EPHA5: variants seen among roughly 807,000 people sequenced by gnomAD.
EPHA5 encodes the protein ephrin type-A receptor 5.
In EPHA5, 60 loss-of-function variants were observed where a neutral mutation model predicts 105.0. The observed-to-expected ratio is 0.57, with a 90% CI of 0.46 to 0.71. The LOEUF is 0.71. Among genes scored for constraint, EPHA5 ranks in the 30% least tolerant of loss-of-function variants. The pLI is 0.00. For synonymous variants in EPHA5, 513 were observed against 449.1 expected (o/e 1.14, Z -1.80); for missense variants, 1,218 against 1,274.7 (o/e 0.96, Z 0.68).
Position 65,393,615 on chromosome 4 carries a change from G to A in EPHA5, c.1793+10759C>T, listed in dbSNP as rs538255525. On this transcript the variant is annotated intron_variant, in intron 8 of 16. Coordinates refer to ENST00000613740, the MANE Select transcript of EPHA5 (RefSeq NM_001281766.3). ...ATCAATGCCTTTAAATACCATATTT[G>A]TTCAACAACATTCTTGAATTATGTC... is the stretch of plus-strand genomic sequence containing the variant. 3.3e-5 allele frequency among the ~76,000 whole-genome samples: 5 copies of A among 152,204 alleles called. No individual in the cohort carries two copies. The South Asian group carries it at 8.3e-4, about 25-fold the overall frequency.
chr4:65,574,197 C>G, intron 3 of EPHA5: 6 of 1,604,142 alleles, frequency 3.7e-6, no homozygotes, highest in African/African-American at 1.3e-5. Flanking sequence ...TACGGAGCAG[C>G]GCAAGATTGA....
rs180928031 is a variant in EPHA5, at chr4:65,636,038, T to C, written c.246+7325A>G. Among the ~76,000 whole-genome samples the C allele has an allele frequency of 3.2e-3, 480 of 152,318 alleles. 3 individuals carry two copies. Among genetic ancestry groups the C allele is most frequent in the Non-Finnish European group, 4.8e-3 (327 of 68,006 alleles). ...TATTTCTATGAAGTTTTAAAATTGA[T>C]TCTAAATGCTTTCATAATTTTAATT... On this transcript the variant is annotated intron_variant, in intron 2 of 16. Transcript: ENST00000613740.
At chr4:65,428,050 G>A (rs893120897) in intron 5 of EPHA5, among the ~76,000 whole-genome samples, 1 of 151,916 alleles carries the variant, frequency 6.6e-6, no homozygotes, top group Admixed American at 6.6e-5. Flanking sequence ...ACATCTCTAA[G>A]AGAATCATGT....
chr4:65,417,111 G>T (rs1433707302), intron 6 of EPHA5, among the ~76,000 whole-genome samples: 2 of 152,168 alleles, frequency 1.3e-5, no homozygotes, highest in Non-Finnish European at 2.9e-5. Flanking sequence ...CTGCCAAGGG[G>T]CAGCTTCCCT....
chr4:65,453,750 C>A (rs1473346318), intron 5 of EPHA5, among the ~76,000 whole-genome samples: 1 of 152,170 alleles, frequency 6.6e-6, no homozygotes, highest in Non-Finnish European at 1.5e-5. Context: ...AGAAGGGATG[C>A]AAGACCCTGG....
intron 8 of EPHA5, among the ~76,000 whole-genome samples, chr4:65,385,241 A>C (rs1034499031): frequency 2.6e-5 from 4 of 151,890 alleles, no homozygotes; most frequent in Non-Finnish European, 5.9e-5. Context: ...AATAAGTAAA[A>C]GAAACAAGTC....
chr4:65,336,766 T>TA (rs1214624082), intron 14 of EPHA5, among the ~76,000 whole-genome samples: 1 of 152,108 alleles, frequency 6.6e-6, no homozygotes, highest in Non-Finnish European at 1.5e-5. Context: ...ACCACACATA[T>TA]GAGTATCAGC....
chr4:65,468,678 ACAT>A (rs770539638), intron 5 of EPHA5, among the ~76,000 whole-genome samples: 1 of 132,274 alleles, frequency 7.6e-6, no homozygotes, highest in Non-Finnish European at 1.6e-5. Context: ...TAACATATAT[ACAT>A]ATATATATAA....
chr4:65,476,119 A>AGTGTGTGTGTGT (rs772117051), intron 5 of EPHA5, among the ~76,000 whole-genome samples: 26 of 126,848 alleles, frequency 2.0e-4, no homozygotes, highest in African/African-American at 7.9e-4. Context: ...AGAGAGAGAG[A>AGTGTGTGTGTGT]GAGAGAGAGT....
intron 3 of EPHA5, among the ~76,000 whole-genome samples, chr4:65,581,426 T>C (rs925831821): frequency 2.6e-5 from 4 of 151,636 alleles, no homozygotes; most frequent in Non-Finnish European, 5.9e-5. Flanking sequence ...ACAAAGTCAA[T>C]CTCTTATTTT....
chr4:65,432,310 T>C (rs1170249052), intron 5 of EPHA5, among the ~76,000 whole-genome samples: 1 of 152,178 alleles, frequency 6.6e-6, no homozygotes, highest in African/African-American at 2.4e-5. Flanking sequence ...TATAATGTAA[T>C]GTTTGCAAAT....
intron 5 of EPHA5, among the ~76,000 whole-genome samples, chr4:65,455,057 C>A (rs574661228): frequency 6.6e-6 from 1 of 151,902 alleles, no homozygotes; most frequent in Non-Finnish European, 1.5e-5. Context: ...CATGGTGAAA[C>A]CCTGTCTCTA....
intron 3 of EPHA5, among the ~76,000 whole-genome samples, chr4:65,561,654 G>T (rs773784087): frequency 1.3e-5 from 2 of 152,024 alleles, no homozygotes; most frequent in Non-Finnish European, 2.9e-5. Context: ...AAGACACATT[G>T]TATTGATTTA....
Position 65,471,355 on chromosome 4 carries a change from G to A in EPHA5, c.1402+19022C>T, listed in dbSNP as rs556503861. Among the ~76,000 whole-genome samples, 96 of 152,210 alleles carry A rather than the reference G, an allele frequency of 6.3e-4. 1 individual carries two copies. The South Asian group carries it at 8.1e-3, about 13-fold the overall frequency. ...CCATTTATTCTCATAAAATTTAATT[G>A]TCTAAAATGGATGAAAACAAAAATA... is the stretch of plus-strand genomic sequence containing the variant. On this transcript the variant is annotated intron_variant, in intron 5 of 16. Coordinates refer to ENST00000613740, the MANE Select transcript of EPHA5 (RefSeq NM_001281766.3).
At chr4:65,371,338 C>T (rs570594261) in intron 8 of EPHA5, among the ~76,000 whole-genome samples, 2 of 151,962 alleles carry the variant, frequency 1.3e-5, no homozygotes, top group South Asian at 2.1e-4. Context: ...TTTAAAAGTC[C>T]TAGAGAGAGA....
rs757444064 is a variant in EPHA5, at chr4:65,331,946, G to A, written c.2945+27C>T. The A allele has an allele frequency of 1.9e-6, 3 of 1,572,600 alleles. No individual in the cohort carries two copies. The South Asian group carries it at 3.5e-5, about 18-fold the overall frequency. On this transcript the variant is annotated intron_variant, in intron 16 of 16. Transcript: ENST00000613740. ...CAATTTTTCTTGCCCCAGCAATTAT[G>A]TAAAAATTATCAGAAAAATTACTCA...
intron 3 of EPHA5, among the ~76,000 whole-genome samples, chr4:65,511,083 A>T (rs1216835260): frequency 6.6e-6 from 1 of 152,196 alleles, no homozygotes; most frequent in Admixed American, 6.5e-5. Context: ...GAGAGCCCAC[A>T]CCAAGAAATG....
At chr4:65,464,511 A>T (rs1322897883) in intron 5 of EPHA5, among the ~76,000 whole-genome samples, 1 of 152,152 alleles carries the variant, frequency 6.6e-6, no homozygotes, top group Non-Finnish European at 1.5e-5. Flanking sequence ...ACGTTGTGAT[A>T]GTTTTGCCTA....
Position 65,492,175 on chromosome 4 carries a change from C to T in EPHA5, c.1067-1463G>A, listed in dbSNP as rs533624459. On this transcript the variant is annotated intron_variant, in intron 4 of 16. Transcript: ENST00000613740. The stretch of plus-strand genomic sequence containing the variant: ...TAAAAGTGGTAAGAAAGCTAATTGG[C>T]ATTTAAGATTTAGCTGGATAGAATG... Among the ~76,000 whole-genome samples, 4 of 152,130 alleles carry T rather than the reference C, an allele frequency of 2.6e-5. No homozygotes were observed. In the East Asian group the frequency reaches 7.7e-4, roughly 29 times the overall value.
Sources: allele counts gnomAD v4.1 joint callset (sites outside exome capture counted in the v4.1 genomes callset), GRCh38; gene constraint gnomAD v4.1.1; transcripts MANE v1.5; gene names NCBI Gene and HGNC (gene_info 2026-07-23, HGNC 2026-07-21).